NVL: variants seen among roughly 807,000 people sequenced by gnomAD.
NVL encodes nuclear VCP like.
Under a neutral mutation model 110.2 loss-of-function variants are expected in NVL, and 84 were observed. The observed-to-expected ratio is 0.76, with a 90% confidence interval of 0.64 to 0.91. The LOEUF is 0.91. Among genes scored for constraint, NVL ranks in the 40% least tolerant of loss-of-function variants. The probability of loss-of-function intolerance (pLI) is 0.00; values close to 1 mark genes in which losing one functional copy is unlikely to be tolerated. For synonymous variants in NVL, 354 were observed against 361.1 expected, an observed-to-expected ratio of 0.98 and a Z score of 0.22; for missense variants, 882 against 1,035.9, an observed-to-expected ratio of 0.85 and a Z score of 2.04.
At chr1:224,257,201 A>G in intron 18 of NVL, 1 of 468,686 alleles carries the variant, frequency 2.1e-6, no homozygotes, top group Non-Finnish European at 4.3e-6. Context: ...GAGAAAGTGC[A>G]TTCACTCACA....
At position 224,302,560 on chromosome 1, in the gene NVL, T is replaced by A. The variant is rs963640777; in HGVS notation, c.960+1163A>T. On this transcript the variant is annotated intron_variant, in intron 9 of 22. Transcript: ENST00000281701. ...ATTTTACATTACTGTCCCCTACAGT[T>A]TCTGAAAAATCTGAGAGGGTTAAAA... 1.4e-4 allele frequency among the ~76,000 whole-genome samples: 22 copies of A among 152,314 alleles called. No homozygotes were observed. In the South Asian group the frequency reaches 2.3e-3, roughly 16 times the overall value.
intron 13 of NVL, among the ~76,000 whole-genome samples, chr1:224,288,948 G>A (rs1057335329): frequency 6.6e-6 from 1 of 152,152 alleles, no homozygotes; most frequent in African/African-American, 2.4e-5. Context: ...TGCAGCTACC[G>A]ACATGGATAT....
chr1:224,304,380 G>T (rs1011671624), intron 8 of NVL, among the ~76,000 whole-genome samples: 1 of 151,958 alleles, frequency 6.6e-6, no homozygotes, highest in African/African-American at 2.4e-5. Flanking sequence ...AGCCAAGATC[G>T]CGCCACTGCA....
At position 224,276,124 on chromosome 1, in the gene NVL, T is replaced by C. The variant is rs964644271; in HGVS notation, c.1963-666A>G. 3.9e-5 allele frequency among the ~76,000 whole-genome samples: 6 copies of C among 152,358 alleles called. 1 individual carries two copies. Among genetic ancestry groups the C allele is most frequent in the Non-Finnish European group, 8.8e-5 (6 of 68,032 alleles). ...GATTATTTCACTTTTAGCTTAGGCA[T>C]AAGAAATTTTTCTTGTAAAATGTCA... On this transcript the variant is annotated intron_variant, in intron 16 of 22. Coordinates refer to ENST00000281701, the MANE Select transcript of NVL (RefSeq NM_002533.4).
intron 1 of NVL, 88 bp downstream of exon 1, chr1:224,329,983 C>T (rs1671523192): frequency 1.5e-6 from 2 of 1,315,824 alleles, no homozygotes; most frequent in African/African-American, 2.9e-5. Flanking sequence ...AGTTGAGTTC[C>T]ACCTGGATGC....
chr1:224,244,171 C>T (rs1661538093), intron 19 of NVL, among the ~76,000 whole-genome samples: 1 of 151,096 alleles, frequency 6.6e-6, no homozygotes, highest in Non-Finnish European at 1.5e-5. Flanking sequence ...AGTTCGAGAC[C>T]AGCCTGGCCA....
At chr1:224,231,146 A>AAG in intron 22 of NVL, 80 bp downstream of exon 22, 1 of 994,226 alleles carries the variant, frequency 1.0e-6, no homozygotes, top group East Asian at 2.4e-5. Context: ...AAAAAAAAAA[A>AAG]AGAGTTTAAT....
chr1:224,296,595 GA>G lies in NVL; in HGVS notation c.1085del (p.Phe362SerfsTer24). 6.3e-7 allele frequency: 1 copy of G among 1,594,680 alleles called. No homozygotes were observed. Among genetic ancestry groups the G allele is most frequent in the Non-Finnish European group, 8.5e-7 (1 of 1,171,838 alleles). ...GGGTAATAGCATCAATTTCATCAAT[GA>G]AAATGATACATGGTGCATTTGACTA... ...QAVSNAPCIIFIDEIDAITPK... is the reference protein window; with the variant it reads ...QAVSNAPCIIXIDEIDAITPK... On this transcript the variant is annotated frameshift_variant, in exon 11 of 23. Transcript: ENST00000281701. LOFTEE classifies it high-confidence loss of function.
At chr1:224,294,561 G>T in intron 11 of NVL, 150 bp from the exon 12 acceptor site, 1 of 719,978 alleles carries the variant, frequency 1.4e-6, no homozygotes, top group Non-Finnish European at 2.3e-6. Flanking sequence ...TGTCAAATAT[G>T]TAAAAGGTGT....
At chr1:224,321,870 G>A (rs1670684225) in intron 2 of NVL, among the ~76,000 whole-genome samples, 1 of 151,982 alleles carries the variant, frequency 6.6e-6, no homozygotes, top group African/African-American at 2.4e-5. Context: ...AAATATTTAA[G>A]AGACCACAGC....
At chr1:224,292,222 AGTGAGAC>A (rs1332124642) in intron 12 of NVL, among the ~76,000 whole-genome samples, 1 of 152,196 alleles carries the variant, frequency 6.6e-6, no homozygotes, top group Non-Finnish European at 1.5e-5. Context: ...TGGGCAACAT[AGTGAGAC>A]CCTTTCTCTA....
chr1:224,227,847 T>G, intron 22 of NVL, 177 bp from the exon 23 acceptor site: 1 of 400,660 alleles, frequency 2.5e-6, no homozygotes, highest in Non-Finnish European at 4.8e-6. Context: ...ACAGGTAGAC[T>G]CTTATCCAAT....
At chr1:224,265,550 T>C (rs564137403) in intron 18 of NVL, among the ~76,000 whole-genome samples, 4 of 152,188 alleles carry the variant, frequency 2.6e-5, no homozygotes, top group East Asian at 1.9e-4. Context: ...ACTTAAAATA[T>C]GGTGCGGGCT....
chr1:224,230,983 A>G (rs1659812735), intron 22 of NVL, among the ~76,000 whole-genome samples: 1 of 152,012 alleles, frequency 6.6e-6, no homozygotes, highest in Non-Finnish European at 1.5e-5. Context: ...AATGCAAAAA[A>G]TTAGCCGGGG....
rs1200626223 is a variant in NVL, at chr1:224,254,543, C to T, written c.2183-4225G>A. 3.3e-5 allele frequency among the ~76,000 whole-genome samples: 5 copies of T among 151,248 alleles called. No homozygotes were observed. In the East Asian group the frequency reaches 9.7e-4, roughly 29 times the overall value. ...AAGTAGCTGGGATTACAGGCATGCA[C>T]CACCATGCCCGGCTAATTTGTTTTT... On this transcript the variant is annotated intron_variant, in intron 18 of 22. Coordinates refer to ENST00000281701, the MANE Select transcript of NVL (RefSeq NM_002533.4).
chr1:224,321,946 C>T (rs1354676020), intron 2 of NVL, among the ~76,000 whole-genome samples: 10 of 151,932 alleles, frequency 6.6e-5, no homozygotes, highest in Admixed American at 2.0e-4. Flanking sequence ...AGGAAGTGGA[C>T]AACATACAGA....
intron 18 of NVL, among the ~76,000 whole-genome samples, chr1:224,260,923 T>G (rs1020769571): frequency 6.6e-6 from 1 of 152,074 alleles, no homozygotes; most frequent in Non-Finnish European, 1.5e-5. Flanking sequence ...TCACCCAGGC[T>G]GGAGTGCAGT....
In NVL at chr1:224,268,565, G is replaced by A. The variant is rs1451177708; in HGVS notation, c.2083-432C>T. Among the ~76,000 whole-genome samples the A allele has an allele frequency of 2.6e-5, 4 of 152,122 alleles. No individual in the cohort carries two copies. The East Asian group carries it at 7.7e-4, about 29-fold the overall frequency. ...TGTCCAGGCTGGTCGTGACCTCCTG[G>A]CCTCAAGCAATCCTCTTGCCTCAGC... is the stretch of plus-strand genomic sequence containing the variant. On this transcript the variant is annotated intron_variant, in intron 17 of 22. Transcript: ENST00000281701.
chr1:224,323,953 G>A (rs1014750057), intron 2 of NVL, among the ~76,000 whole-genome samples: 3 of 152,174 alleles, frequency 2.0e-5, no homozygotes, highest in Non-Finnish European at 4.4e-5. Flanking sequence ...ACCTATGCCT[G>A]TCCTGCCATT....
Sources: allele counts gnomAD v4.1 joint callset (sites outside exome capture counted in the v4.1 genomes callset), GRCh38; gene constraint gnomAD v4.1.1; transcripts MANE v1.5; gene names NCBI Gene and HGNC (gene_info 2026-07-23, HGNC 2026-07-21).